Variants in HLA-E observed in about 807,000 individuals in gnomAD.
HLA-E encodes the protein major histocompatibility complex, class I, E.
In HLA-E, 25 loss-of-function variants were observed where a neutral mutation model predicts 43.4. The observed-to-expected ratio is 0.58, with a 90% CI of 0.42 to 0.80. The LOEUF is 0.80. Ranked by LOEUF, HLA-E falls within the 30% of genes least tolerant of loss-of-function variation. HLA-E has a pLI of 0.00. For missense variants in HLA-E, 343 were observed against 470.0 expected, an observed-to-expected ratio of 0.73 and a Z score of 2.50; for synonymous variants, 161 against 197.6, an observed-to-expected ratio of 0.81 and a Z score of 1.55.
In HLA-E at chr6:30,489,974, T is replaced by A; in HGVS notation, c.313T>A (p.Tyr105Asn). 1 of 1,609,858 alleles carries A rather than the reference T, an allele frequency of 6.2e-7. No individual in the cohort carries two copies. The highest frequency in any genetic ancestry group is 8.5e-7 in the Non-Finnish European group (1 of 1,178,018). The change falls in exon 2 of 8, where the codon TAC becomes AAC. Residue 105 changes from tyrosine to asparagine, a missense_variant. This residue lies in a region of HLA-E where 59 missense variants were observed against 42.0 expected (regional missense o/e 1.40). Coordinates refer to ENST00000376630, the MANE Select transcript of HLA-E (RefSeq NM_005516.6). This position sits in a 1 kb window ranked among gnomAD's most constrained non-coding sequence, Gnocchi z 5.6. ...FRVNLRTLRG[Y>N]YNQSEAGSHT... ...AGTGAATCTGCGGACGCTGCGCGGC[T>A]ACTACAATCAGAGCGAGGCCGGTGA...
Position 30,492,971 on chromosome 6 carries a change from G to A in HLA-E, c.*225G>A, listed in dbSNP as rs1796646255. The stretch of plus-strand genomic sequence containing the variant: ...GACCCCCTTCCTCACACTGACCTGT[G>A]TTCCTTCCCTGTTCTCTTTTCTATT... On this transcript the variant is annotated 3_prime_UTR_variant, in exon 8 of 8. Transcript: ENST00000376630. This position sits in a 1 kb window ranked among gnomAD's most constrained non-coding sequence, Gnocchi z 4.5. 3.5e-6 allele frequency: 1 copy of A among 285,398 alleles called. No individual in the cohort carries two copies. The highest frequency in any genetic ancestry group is 8.1e-5 in the East Asian group (1 of 12,322). The allele number at this position is 285,398 out of a possible 1,614,324, so 17.7% of individuals were successfully genotyped here.
rs368669241 is a variant in HLA-E at position 30,492,415 on chromosome 6, G to A, written c.1015G>A (p.Gly339Arg). ...TTTTCTTCCAACAGGTGGAAAAGGA[G>A]GGAGCTACTCTAAGGCTGAGTGTAA... ...WRKKSSGGKGGSYSKAEWSDS... is the reference protein window; with the variant it reads ...WRKKSSGGKGRSYSKAEWSDS... The change falls in exon 6 of 8, where the codon GGG becomes AGG. Residue 339 changes from glycine (G) to arginine (R), a missense_variant. This residue lies in a region of HLA-E where 190 missense variants were observed against 283.6 expected (regional missense o/e 0.67). Transcript: ENST00000376630. This position sits in a 1 kb window ranked among gnomAD's most constrained non-coding sequence, Gnocchi z 4.5. 1 of 1,614,204 alleles carries A rather than the reference G, an allele frequency of 6.2e-7. No homozygotes were observed. Among genetic ancestry groups the A allele is most frequent in the Non-Finnish European group, 8.5e-7 (1 of 1,180,026 alleles).
chr6:30,490,208 G>C lies in HLA-E; in HGVS notation c.335-32G>C, dbSNP rs750412278. 32 of 1,600,572 alleles carry C rather than the reference G, an allele frequency of 2.0e-5. No homozygotes were observed. The African/African-American group carries it at 3.1e-4, about 15-fold the overall frequency. ...GGTGGTGGCGACGGGGGCGGGGCTT[G>C]GTGGGCGGGACTGACTAAGGGGCGG... On this transcript the variant is annotated intron_variant, in intron 2 of 7. Transcript: ENST00000376630. The surrounding 1 kb of genome is among the most constrained non-coding windows in gnomAD (Gnocchi z 6.6).
At position 30,492,786 on chromosome 6, in the gene HLA-E, G is replaced by A; in HGVS notation, c.*40G>A. 1.5e-6 allele frequency: 1 copy of A among 683,344 alleles called. No homozygotes were observed. Among genetic ancestry groups the A allele is most frequent in the Non-Finnish European group, 2.6e-6 (1 of 378,996 alleles). The allele number at this position is 683,344 out of a possible 1,614,324, so 42.3% of individuals were successfully genotyped here. A position where few individuals can be genotyped will look rare whatever the true frequency, so the allele number is the denominator to read the frequency against. On this transcript the variant is annotated 3_prime_UTR_variant, in exon 8 of 8. Coordinates refer to ENST00000376630, the MANE Select transcript of HLA-E (RefSeq NM_005516.6). The surrounding 1 kb of genome is among the most constrained non-coding windows in gnomAD (Gnocchi z 4.5). ...GCCTTGTGTGCGACTGAGATGCACA[G>A]CTGCCTTGTGTGCGACTGAGATGCA...
In HLA-E at chr6:30,492,630, A is replaced by C. The variant is rs1317407492; in HGVS notation, c.*2+47A>C. The C allele has an allele frequency of 1.3e-6, 2 of 1,585,296 alleles. No homozygotes were observed. Among genetic ancestry groups the C allele is most frequent in the Admixed American group, 1.7e-5 (1 of 57,660 alleles). On this transcript the variant is annotated intron_variant, in intron 7 of 7. Coordinates refer to ENST00000376630, the MANE Select transcript of HLA-E (RefSeq NM_005516.6). The surrounding 1 kb of genome is among the most constrained non-coding windows in gnomAD (Gnocchi z 4.5). ...GTGGGTGGAGGGTGGGGCAGAGGGGACAGGACTGGGTTGTGGGGATTTTTT... is the reference window on the plus strand; with the variant it reads ...GTGGGTGGAGGGTGGGGCAGAGGGGCCAGGACTGGGTTGTGGGGATTTTTT...
chr6:30,491,209 G>C lies in HLA-E; in HGVS notation c.683G>C (p.Gly228Ala). 6.2e-7 allele frequency: 1 copy of C among 1,613,814 alleles called. No individual in the cohort carries two copies. The change falls in exon 4 of 8, where the codon GGC (glycine) becomes GCC (alanine). Residue 228 changes from glycine (G) to alanine (A), a missense_variant. Gly to Ala is a moderately conservative substitution (Grantham distance 60). Transcript: ENST00000376630. This position sits in a 1 kb window ranked among gnomAD's most constrained non-coding sequence, Gnocchi z 5.4. The part of the protein sequence containing the change: ...HEATLRCWAL[G>A]FYPAEITLTW... Reference sequence around the variant, plus strand: ...GCCACCCTGAGGTGCTGGGCCCTGGGCTTCTACCCTGCGGAGATCACACTG... The same window carrying C: ...GCCACCCTGAGGTGCTGGGCCCTGGCCTTCTACCCTGCGGAGATCACACTG...
rs758258520 is a variant in HLA-E at position 30,489,794 on chromosome 6, T to A, written c.133T>A (p.Ser45Thr). The A allele has an allele frequency of 6.3e-7, 1 of 1,583,076 alleles. No homozygotes were observed. Among genetic ancestry groups the A allele is most frequent in the Non-Finnish European group, 8.5e-7 (1 of 1,171,042 alleles). Residue 45 changes from serine (S) to threonine (T), a missense_variant, in exon 2 of 8, where the codon TCT (serine) becomes ACT (threonine). Around this residue, in one of 3 missense-constraint regions of HLA-E, gnomAD observed 94 missense variants for 144.4 expected, o/e 0.65. Coordinates refer to ENST00000376630, the MANE Select transcript of HLA-E (RefSeq NM_005516.6). The surrounding 1 kb of genome is among the most constrained non-coding windows in gnomAD (Gnocchi z 5.6). ...RPGRGEPRFI[S>T]VGYVDDTQFV... ...CGGCCGCGGGGAGCCCCGCTTCATC[T>A]CTGTGGGCTACGTGGACGACACCCA...
rs772726027 is a variant in HLA-E at position 30,492,261 on chromosome 6, C to T, written c.1004-143C>T. On this transcript the variant is annotated intron_variant, in intron 5 of 7. Transcript: ENST00000376630. This position sits in a 1 kb window ranked among gnomAD's most constrained non-coding sequence, Gnocchi z 4.5. ...GCAGTTGATCCAGGACCCACACCTGCTTTCTTCACGTTTCCTGATCCTGCC... is the reference window on the plus strand; with the variant it reads ...GCAGTTGATCCAGGACCCACACCTGTTTTCTTCACGTTTCCTGATCCTGCC... 88 of 870,340 alleles carry T rather than the reference C, an allele frequency of 1.0e-4. No homozygotes were observed. Among genetic ancestry groups the T allele is most frequent in the Admixed American group, 3.6e-4 (20 of 54,968 alleles). The allele number at this position is 870,340 out of a possible 1,614,324, so 53.9% of individuals were successfully genotyped here.
In HLA-E at chr6:30,492,462, G is replaced by A. The variant is rs1354061958; in HGVS notation, c.1036+26G>A. On this transcript the variant is annotated intron_variant, in intron 6 of 7. Transcript: ENST00000376630. The surrounding 1 kb of genome is among the most constrained non-coding windows in gnomAD (Gnocchi z 4.5). ...GTAAGTGCGGGGCGGGAGCGTGGAGGAGCTCGCCCACCCTATAATTCCTCC... is the reference window on the plus strand; with the variant it reads ...GTAAGTGCGGGGCGGGAGCGTGGAGAAGCTCGCCCACCCTATAATTCCTCC... 2.5e-6 allele frequency: 4 copies of A among 1,614,098 alleles called. No individual in the cohort carries two copies. Among genetic ancestry groups the A allele is most frequent in the Non-Finnish European group, 2.5e-6 (3 of 1,179,974 alleles).
chr6:30,489,514 G>C lies in HLA-E; in HGVS notation c.-18G>C, dbSNP rs758950539. Reference sequence around the variant, plus strand: ...CCATCCGGACTCAAGAAGTTCTCAGGACTCAGAGGCTGGGATCATGGTAGA... The same window carrying C: ...CCATCCGGACTCAAGAAGTTCTCAGCACTCAGAGGCTGGGATCATGGTAGA... On this transcript the variant is annotated 5_prime_UTR_variant, in exon 1 of 8. Coordinates refer to ENST00000376630, the MANE Select transcript of HLA-E (RefSeq NM_005516.6). This position sits in a 1 kb window ranked among gnomAD's most constrained non-coding sequence, Gnocchi z 5.6. 6.6e-7 allele frequency: 1 copy of C among 1,515,570 alleles called. No individual in the cohort carries two copies. Among genetic ancestry groups the C allele is most frequent in the East Asian group, 2.3e-5 (1 of 43,950 alleles). The allele number at this position is 1,515,570 out of a possible 1,614,324, so 93.9% of individuals were successfully genotyped here. A position where few individuals can be genotyped will look rare whatever the true frequency, so the allele number is the denominator to read the frequency against.
Position 30,493,148 on chromosome 6 carries a change from G to C in HLA-E, c.*402G>C, listed in dbSNP as rs1796656968. The C allele has an allele frequency of 6.5e-6, 1 of 153,802 alleles. No individual in the cohort carries two copies. The highest frequency in any genetic ancestry group is 2.4e-5 in the African/African-American group (1 of 41,398). The allele number at this position is 153,802 out of a possible 1,614,324, so 9.5% of individuals were successfully genotyped here. ...CTCTACTAAAAAATACAAAAAATTA[G>C]CTGGGCGCAGAGGCACGGGCCTGTA... is the stretch of plus-strand genomic sequence containing the variant. On this transcript the variant is annotated 3_prime_UTR_variant, in exon 8 of 8. Coordinates refer to ENST00000376630, the MANE Select transcript of HLA-E (RefSeq NM_005516.6). This position sits in a 1 kb window ranked among gnomAD's most constrained non-coding sequence, Gnocchi z 5.5.
At position 30,492,671 on chromosome 6, in the gene HLA-E, A is replaced by C; in HGVS notation, c.*3-78A>C. 7.5e-7 allele frequency: 1 copy of C among 1,335,942 alleles called. No individual in the cohort carries two copies. The highest frequency in any genetic ancestry group is 1.2e-5 in the South Asian group (1 of 82,094). 82.8% of individuals were successfully genotyped at this position (1,335,942 alleles called of 1,614,324 possible). On this transcript the variant is annotated intron_variant, in intron 7 of 7. Coordinates refer to ENST00000376630, the MANE Select transcript of HLA-E (RefSeq NM_005516.6). This position sits in a 1 kb window ranked among gnomAD's most constrained non-coding sequence, Gnocchi z 4.5. ...GGGATTTTTTGATTCAGAATTTTTGAGTGTGTGGTGGGCTGTTCAGAGTGT... is the reference window on the plus strand; with the variant it reads ...GGGATTTTTTGATTCAGAATTTTTGCGTGTGTGGTGGGCTGTTCAGAGTGT...
chr6:30,489,642 G>T lies in HLA-E; in HGVS notation c.64+47G>T, dbSNP rs1314693718. ...AAACGGCCTCTACCGGGAGTAGAGAGGGGCCGGCCCGGCGGGGGCGAAGGA... is the reference window on the plus strand; with the variant it reads ...AAACGGCCTCTACCGGGAGTAGAGATGGGCCGGCCCGGCGGGGGCGAAGGA... On this transcript the variant is annotated intron_variant, in intron 1 of 7. Coordinates refer to ENST00000376630, the MANE Select transcript of HLA-E (RefSeq NM_005516.6). This position sits in a 1 kb window ranked among gnomAD's most constrained non-coding sequence, Gnocchi z 5.6. 6.2e-7 allele frequency: 1 copy of T among 1,601,020 alleles called. No individual in the cohort carries two copies. The highest frequency in any genetic ancestry group is 8.5e-7 in the Non-Finnish European group (1 of 1,173,068).
rs772438691 is a variant in HLA-E at position 30,491,407 on chromosome 6, G to A, written c.881G>A (p.Arg294Lys). 3 of 1,614,066 alleles carry A rather than the reference G, an allele frequency of 1.9e-6. No individual in the cohort carries two copies. The Admixed American group carries it at 5.0e-5, about 27-fold the overall frequency. The change falls in exon 4 of 8, where the codon AGA becomes AAA. Residue 294 changes from arginine (R) to lysine (K), a missense_variant. Arg to Lys is a conservative substitution (Grantham distance 26). Around this residue, in one of 3 missense-constraint regions of HLA-E, gnomAD observed 190 missense variants for 283.6 expected, o/e 0.67. Coordinates refer to ENST00000376630, the MANE Select transcript of HLA-E (RefSeq NM_005516.6). This position sits in a 1 kb window ranked among gnomAD's most constrained non-coding sequence, Gnocchi z 5.4. ...HEGLPEPVTL[R>K]WKPASQPTIP... The stretch of plus-strand genomic sequence containing the variant: ...GGGCTACCCGAGCCCGTCACCCTGA[G>A]ATGGAGTAAGGAGGGGGATGGGAGG...
chr6:30,489,647 C>G lies in HLA-E; in HGVS notation c.64+52C>G. The G allele has an allele frequency of 6.2e-7, 1 of 1,602,040 alleles. No homozygotes were observed. Among genetic ancestry groups the G allele is most frequent in the Non-Finnish European group, 8.5e-7 (1 of 1,173,708 alleles). ...GCCTCTACCGGGAGTAGAGAGGGGC[C>G]GGCCCGGCGGGGGCGAAGGACTCGG... On this transcript the variant is annotated intron_variant, in intron 1 of 7. Coordinates refer to ENST00000376630, the MANE Select transcript of HLA-E (RefSeq NM_005516.6). This position sits in a 1 kb window ranked among gnomAD's most constrained non-coding sequence, Gnocchi z 5.6.
Position 30,492,700 on chromosome 6 carries a change from C to G in HLA-E, c.*3-49C>G. On this transcript the variant is annotated intron_variant, in intron 7 of 7. Coordinates refer to ENST00000376630, the MANE Select transcript of HLA-E (RefSeq NM_005516.6). This position sits in a 1 kb window ranked among gnomAD's most constrained non-coding sequence, Gnocchi z 4.5. ...TGTGGTGGGCTGTTCAGAGTGTCAT[C>G]ACTTACCGTGACTGACCTGAATTTG... The G allele has an allele frequency of 9.8e-7, 1 of 1,017,092 alleles. No homozygotes were observed. Among genetic ancestry groups the G allele is most frequent in the Non-Finnish European group, 1.5e-6 (1 of 664,182 alleles). 63.0% of individuals were successfully genotyped at this position (1,017,092 alleles called of 1,614,324 possible).
chr6:30,490,135 A>C lies in HLA-E; in HGVS notation c.335-105A>C. On this transcript the variant is annotated intron_variant, in intron 2 of 7. Transcript: ENST00000376630. The surrounding 1 kb of genome is among the most constrained non-coding windows in gnomAD (Gnocchi z 6.6). Reference sequence around the variant, plus strand: ...CAGACCCTAGACCGGGGAGAGTCTCAGGCGCCTTTACCCGGTTCTTTTTCA... The same window carrying C: ...CAGACCCTAGACCGGGGAGAGTCTCCGGCGCCTTTACCCGGTTCTTTTTCA... The C allele has an allele frequency of 6.7e-7, 1 of 1,487,702 alleles. No individual in the cohort carries two copies. 92.2% of individuals were successfully genotyped at this position (1,487,702 alleles called of 1,614,324 possible). A position where few individuals can be genotyped will look rare whatever the true frequency, so the allele number is the denominator to read the frequency against.
rs763052627 is a variant in HLA-E, at chr6:30,490,285, A to C, written c.380A>C (p.Asp127Ala). The change falls in exon 3 of 8, where the codon GAC becomes GCC. Residue 127 changes from aspartate (D) to alanine (A), a missense_variant. Coordinates refer to ENST00000376630, the MANE Select transcript of HLA-E (RefSeq NM_005516.6). The surrounding 1 kb of genome is among the most constrained non-coding windows in gnomAD (Gnocchi z 6.6). ...ATGCATGGCTGCGAGCTGGGGCCCG[A>C]CGGGCGCTTCCTCCGCGGGTATGAA... ...QWMHGCELGP[D>A]GRFLRGYEQF... 1.9e-6 allele frequency: 3 copies of C among 1,613,032 alleles called. No homozygotes were observed. The highest frequency in any genetic ancestry group is 2.5e-6 in the Non-Finnish European group (3 of 1,180,010).
Position 30,491,279 on chromosome 6 carries a change from C to G in HLA-E, c.753C>G (p.Leu251=), listed in dbSNP as rs779868755. The G allele has an allele frequency of 3.7e-6, 6 of 1,614,142 alleles. No homozygotes were observed. The change falls in exon 4 of 8, where the codon CTC becomes CTG. Residue 251 remains leucine, a synonymous_variant. Coordinates refer to ENST00000376630, the MANE Select transcript of HLA-E (RefSeq NM_005516.6). The surrounding 1 kb of genome is among the most constrained non-coding windows in gnomAD (Gnocchi z 5.4). The stretch of plus-strand genomic sequence containing the variant: ...AGGGCCATACCCAGGACACGGAGCT[C>G]GTGGAGACCAGGCCTGCAGGGGATG... ...DGEGHTQDTE[L]VETRPAGDGT... is the part of the protein sequence containing the mutation.
Sources: allele counts gnomAD v4.1 joint callset, GRCh38; gene constraint gnomAD v4.1.1; regional missense constraint gnomAD v4.1.1; non-coding constraint Gnocchi (gnomAD v3.1); transcripts MANE v1.5; gene names NCBI Gene and HGNC (gene_info 2026-07-23, HGNC 2026-07-21).